The following STIMATE variants were observed in gnomAD, a reference collection of about 807,000 sequenced individuals.
STIMATE encodes the protein STIM activating enhancer.
In STIMATE, 15 loss-of-function variants were observed where a neutral mutation model predicts 36.7. The observed-to-expected ratio is 0.41, with a 90% confidence interval of 0.27 to 0.63. STIMATE has a LOEUF of 0.63. Ranked by LOEUF, STIMATE falls within the 20% of genes least tolerant of loss-of-function variation. The pLI is 0.32. For missense variants in STIMATE, 305 were observed against 397.3 expected, an observed-to-expected ratio of 0.77 and a Z score of 1.98; for synonymous variants, 163 against 162.3, an observed-to-expected ratio of 1.00 and a Z score of -0.03.
At position 52,842,708 on chromosome 3, in the gene STIMATE, G is replaced by T. The variant is rs936714862; in HGVS notation, c.768+103C>A. The T allele has an allele frequency of 1.6e-5, 25 of 1,566,080 alleles. No individual in the cohort carries two copies. In the African/African-American group the frequency reaches 3.1e-4, roughly 20 times the overall value. Reference sequence around the variant, plus strand: ...TCTCCTGCCCTCTGGCTCGCACTGTGACTCTGCACTCAAGGGAAGAACATA... The same window carrying T: ...TCTCCTGCCCTCTGGCTCGCACTGTTACTCTGCACTCAAGGGAAGAACATA... On this transcript the variant is annotated intron_variant, in intron 7 of 7. Transcript: ENST00000355083.
intron 4 of STIMATE, 67 bp downstream of exon 4, chr3:52,849,725 C>T: frequency 6.5e-7 from 1 of 1,548,628 alleles, no homozygotes; most frequent in Non-Finnish European, 8.7e-7. Context: ...TGGTGGGCCG[C>T]ATGGGGCAAG....
At chr3:52,840,844 C>T (rs926792321) in intron 7 of STIMATE, among the ~76,000 whole-genome samples, 5 of 152,170 alleles carry the variant, frequency 3.3e-5, no homozygotes, top group Non-Finnish European at 5.9e-5. Context: ...ATTACAGGTG[C>T]GTGGCACCAT....
chr3:52,897,427 C>A lies in STIMATE; in HGVS notation c.24G>T (p.Ala8=), dbSNP rs533174899. MQGPAGN[A]SRGLPGGPPS... is the part of the protein sequence containing the mutation. Reference sequence around the variant, plus strand: ...GCGGCCCGCCTGGCAGTCCCCGGCTCGCGTTCCCGGCGGGGCCCTGCATGA... The same window carrying A: ...GCGGCCCGCCTGGCAGTCCCCGGCTAGCGTTCCCGGCGGGGCCCTGCATGA... Residue 8 remains alanine, a synonymous_variant, in exon 1 of 8, where the codon GCG becomes GCT. Transcript: ENST00000355083. The A allele has an allele frequency of 6.9e-7, 1 of 1,443,920 alleles. No homozygotes were observed. Among genetic ancestry groups the A allele is most frequent in the Admixed American group, 2.7e-5 (1 of 37,474 alleles). 89.4% of individuals were successfully genotyped at this position (1,443,920 alleles called of 1,614,324 possible).
chr3:52,852,848 C>A (rs1340889041), intron 2 of STIMATE, 150 bp from the exon 3 acceptor site: 12 of 885,756 alleles, frequency 1.4e-5, no homozygotes, highest in Non-Finnish European at 3.4e-6. Context: ...CTAACTCAGG[C>A]TTGGCATCTC....
At chr3:52,886,283 T>C (rs1245952406) in intron 1 of STIMATE, among the ~76,000 whole-genome samples, 1 of 152,124 alleles carries the variant, frequency 6.6e-6, no homozygotes, top group Non-Finnish European at 1.5e-5. Context: ...AGCACATGTG[T>C]ATGCTGCACA....
At chr3:52,871,038 G>A (rs796195531) in intron 1 of STIMATE, among the ~76,000 whole-genome samples, 9 of 152,104 alleles carry the variant, frequency 5.9e-5, no homozygotes, top group African/African-American at 2.2e-4. Context: ...CTTCACACTT[G>A]CCTACCCCAC....
chr3:52,840,695 C>A, intron 7 of STIMATE, 85 bp from the exon 8 acceptor site: 163 of 1,095,192 alleles, frequency 1.5e-4, no homozygotes, highest in Middle Eastern at 2.7e-4. Flanking sequence ...CCCTTCAAGT[C>A]TCATGTTTTT....
intron 1 of STIMATE, among the ~76,000 whole-genome samples, chr3:52,866,188 G>A (rs1701308222): frequency 6.6e-6 from 1 of 152,268 alleles, no homozygotes; most frequent in African/African-American, 2.4e-5. Flanking sequence ...CAGAGGCTGT[G>A]CCAACTCACA....
intron 1 of STIMATE, chr3:52,896,040 G>C: frequency 4.4e-6 from 4 of 904,456 alleles, no homozygotes; most frequent in Non-Finnish European, 6.3e-6. Context: ...GGCAAACATA[G>C]ACAGTTGGGC....
chr3:52,867,090 C>T (rs1701325341), intron 1 of STIMATE, among the ~76,000 whole-genome samples: 2 of 152,154 alleles, frequency 1.3e-5, no homozygotes, highest in Admixed American at 1.3e-4. Flanking sequence ...TTTTTCAGAC[C>T]AGCAAAACAT....
In STIMATE at chr3:52,855,439, G is replaced by A. The variant is rs776102236; in HGVS notation, c.166C>T (p.Arg56Cys). The change falls in exon 2 of 8, where the codon CGC becomes TGC. Residue 56 changes from arginine (R) to cysteine (C), a missense_variant. Physicochemically the swap from Arg to Cys is radical, Grantham distance 180. Coordinates refer to ENST00000355083, the MANE Select transcript of STIMATE (RefSeq NM_198563.5). The stretch of plus-strand genomic sequence containing the variant: ...CTTTCATGCTTTGGTTCTCTGAAGC[G>A]TTTGACTGAAAGAAAAGACAGACAT... ...VVAFSTLMLKRFREPKHERRP... is the reference protein window; with the variant it reads ...VVAFSTLMLKCFREPKHERRP... The A allele has an allele frequency of 3.1e-6, 5 of 1,613,880 alleles. No homozygotes were observed. The highest frequency in any genetic ancestry group is 4.2e-6 in the Non-Finnish European group (5 of 1,179,978).
chr3:52,874,431 C>T (rs1575342901), intron 1 of STIMATE, among the ~76,000 whole-genome samples: 1 of 152,308 alleles, frequency 6.6e-6, no homozygotes, highest in East Asian at 1.9e-4. Flanking sequence ...AATTCAGAGG[C>T]ATATACAATA....
intron 1 of STIMATE, among the ~76,000 whole-genome samples, chr3:52,884,525 C>T (rs556596595): frequency 2.6e-5 from 4 of 152,280 alleles, no homozygotes; most frequent in African/African-American, 4.8e-5. Flanking sequence ...GGATTACAGG[C>T]GTGACCTACC....
rs534827515 is a variant in STIMATE at position 52,888,208 on chromosome 3, G to A, written c.160+9083C>T. ...TCCAGGGCTTGGACTGAGGGTCAGG[G>A]CATAATGGAAGAGCAGACTTGTAAC... On this transcript the variant is annotated intron_variant, in intron 1 of 7. Coordinates refer to ENST00000355083, the MANE Select transcript of STIMATE (RefSeq NM_198563.5). 7.2e-5 allele frequency among the ~76,000 whole-genome samples: 11 copies of A among 152,028 alleles called. No homozygotes were observed. The South Asian group carries it at 8.3e-4, about 11-fold the overall frequency.
chr3:52,873,819 T>C (rs1267216414), intron 1 of STIMATE, among the ~76,000 whole-genome samples: 1 of 152,310 alleles, frequency 6.6e-6, no homozygotes, highest in East Asian at 1.9e-4. Context: ...TGTGAGCCAG[T>C]ATCCTGGGCA....
Position 52,853,039 on chromosome 3 carries a change from G to T in STIMATE, c.210-341C>A, listed in dbSNP as rs370035477. Among the ~76,000 whole-genome samples, 22 of 152,318 alleles carry T rather than the reference G, an allele frequency of 1.4e-4. No homozygotes were observed. The East Asian group carries it at 1.5e-3, about 11-fold the overall frequency. The stretch of plus-strand genomic sequence containing the variant: ...GCTCCCATTCAACTTCACTCACAAT[G>T]AGCTAAATTATGTGTGAAATTAACA... On this transcript the variant is annotated intron_variant, in intron 2 of 7. Coordinates refer to ENST00000355083, the MANE Select transcript of STIMATE (RefSeq NM_198563.5).
At chr3:52,848,915 G>A (rs1026883141) in intron 4 of STIMATE, among the ~76,000 whole-genome samples, 3 of 152,160 alleles carry the variant, frequency 2.0e-5, no homozygotes, top group African/African-American at 7.2e-5. Flanking sequence ...TCCCCTCAAC[G>A]GAGACAAACA....
At chr3:52,843,583 G>A (rs1700843995) in intron 6 of STIMATE, 138 bp downstream of exon 6, 3 of 1,298,276 alleles carry the variant, frequency 2.3e-6, no homozygotes, top group Non-Finnish European at 2.2e-6. Flanking sequence ...TTCCAGGTCT[G>A]GGGGTGGGAG....
chr3:52,891,680 C>CT (rs139078667), intron 1 of STIMATE, among the ~76,000 whole-genome samples: 2,609 of 149,452 alleles, frequency 0.017, 72 homozygotes, highest in African/African-American at 0.06. Context: ...TTCTTTCTTT[C>CT]TTTTTTTTTT....
Sources: gnomAD v4.1 joint callset for allele counts (sites outside exome capture counted in the v4.1 genomes callset) on GRCh38, gnomAD v4.1.1 for gene constraint, MANE v1.5 for transcripts, NCBI Gene and HGNC (gene_info 2026-07-23, HGNC 2026-07-21) for gene names.